MGAT4C: variants seen among roughly 807,000 people sequenced by gnomAD.
MGAT4C encodes alpha-1,3-mannosyl-glycoprotein 4-beta-N-acetylglucosaminyltransferase C.
MGAT4C carries 19 observed loss-of-function variants against 40.1 expected under a neutral mutation model. The observed-to-expected ratio is 0.47, with a 90% CI of 0.33 to 0.70. The LOEUF (loss-of-function observed/expected upper bound fraction) is 0.70, where lower values mean the gene tolerates loss of function less well. Among genes scored for constraint, MGAT4C ranks in the 30% least tolerant of loss-of-function variants. The pLI, the probability that MGAT4C is intolerant of heterozygous loss-of-function variation, is 0.02. For synonymous variants in MGAT4C, 181 were observed against 187.1 expected, an observed-to-expected ratio of 0.97 and a Z score of 0.27; for missense variants, 491 against 563.2, an observed-to-expected ratio of 0.87 and a Z score of 1.30.
intron 3 of MGAT4C, among the ~76,000 whole-genome samples, chr12:86,352,240 C>A (rs778061629): frequency 2.2e-4 from 33 of 152,048 alleles, no homozygotes; most frequent in Non-Finnish European, 4.1e-4. Flanking sequence ...GCTTTAAAGT[C>A]TAAAACAGTG....
At chr12:86,215,269 A>T (rs1416355301) in intron 1 of MGAT4C, among the ~76,000 whole-genome samples, 9 of 139,184 alleles carry the variant, frequency 6.5e-5, no homozygotes, top group Non-Finnish European at 1.3e-4. Flanking sequence ...TCTAGGGTTT[A>T]AAAAAAATTA....
At chr12:86,263,168 A>G (rs1952696244) in intron 4 of MGAT4C, among the ~76,000 whole-genome samples, 1 of 152,146 alleles carries the variant, frequency 6.6e-6, no homozygotes, top group African/African-American at 2.4e-5. Context: ...GAAGAGCCAA[A>G]CAAATATTCT....
chr12:86,774,687 T>A (rs537992266), intron 1 of MGAT4C, among the ~76,000 whole-genome samples: 1 of 151,992 alleles, frequency 6.6e-6, no homozygotes, highest in East Asian at 1.9e-4. Context: ...CCTGTTAATA[T>A]GATTCTTTAT....
chr12:86,526,951 T>C lies in MGAT4C; in HGVS notation c.-228-91686A>G, dbSNP rs113509415. Among the ~76,000 whole-genome samples, 494 of 152,264 alleles carry C rather than the reference T, an allele frequency of 3.2e-3. 2 individuals carry two copies. Among genetic ancestry groups the C allele is most frequent in the African/African-American group, 0.012 (481 of 41,564 alleles). Reference sequence around the variant, plus strand: ...CAATTCACCCATTGTCCTGGAGTTGTTGGGGGCCAGGAACGAGTCCCAGTG... The same window carrying C: ...CAATTCACCCATTGTCCTGGAGTTGCTGGGGGCCAGGAACGAGTCCCAGTG... On this transcript the variant is annotated intron_variant, in intron 2 of 7. Transcript: ENST00000548651.
chr12:86,533,192 TAGTC>T (rs1179931851), intron 2 of MGAT4C, among the ~76,000 whole-genome samples: 2 of 152,158 alleles, frequency 1.3e-5, no homozygotes, highest in Non-Finnish European at 2.9e-5. Context: ...AACTGCAAAG[TAGTC>T]AGCCACAAAC....
At position 86,604,631 on chromosome 12, in the gene MGAT4C, G is replaced by A. The variant is rs141988977; in HGVS notation, c.-229+122578C>T. 1.2e-4 allele frequency among the ~76,000 whole-genome samples: 18 copies of A among 152,188 alleles called. No individual in the cohort carries two copies. In the East Asian group the frequency reaches 2.5e-3, roughly 21 times the overall value. ...TCTTTCACAAAAGAAAAAACTGGAA[G>A]TCACTTTCAGATATTTTAGTCCGTA... is the stretch of plus-strand genomic sequence containing the variant. On this transcript the variant is annotated intron_variant, in intron 2 of 7. Coordinates refer to the MGAT4C transcript ENST00000548651.
intron 2 of MGAT4C, among the ~76,000 whole-genome samples, chr12:86,530,761 A>T (rs1451850984): frequency 6.6e-6 from 1 of 152,052 alleles, no homozygotes; most frequent in East Asian, 1.9e-4. Flanking sequence ...CATCCTAGGA[A>T]TCCAATGAAA....
intron 1 of MGAT4C, among the ~76,000 whole-genome samples, chr12:86,063,517 C>T (rs1894203674): frequency 6.6e-6 from 1 of 152,110 alleles, no homozygotes; most frequent in Non-Finnish European, 1.5e-5. Context: ...CAAATTCACA[C>T]ATAACAATAT....
intron 1 of MGAT4C, among the ~76,000 whole-genome samples, chr12:86,079,260 A>G (rs1335760420): frequency 6.6e-6 from 1 of 152,140 alleles, no homozygotes; most frequent in Non-Finnish European, 1.5e-5. Flanking sequence ...GAATAGAGGG[A>G]TTTACTCAAT....
At chr12:86,251,868 T>C (rs1346847267) in intron 1 of MGAT4C, among the ~76,000 whole-genome samples, 1 of 152,060 alleles carries the variant, frequency 6.6e-6, no homozygotes, top group Non-Finnish European at 1.5e-5. Context: ...TATCAAACAC[T>C]GAACAACAAA....
At chr12:86,105,892 T>A (rs990378192) in intron 1 of MGAT4C, among the ~76,000 whole-genome samples, 3 of 152,190 alleles carry the variant, frequency 2.0e-5, no homozygotes, top group African/African-American at 7.2e-5. Context: ...TACAAATATC[T>A]TCTATCACTT....
intron 4 of MGAT4C, among the ~76,000 whole-genome samples, chr12:86,333,080 A>G (rs769461290): frequency 2.0e-5 from 3 of 152,160 alleles, no homozygotes; most frequent in Non-Finnish European, 4.4e-5. Context: ...TCGCACACAG[A>G]GTAGTATGTA....
chr12:86,763,055 G>A (rs1458730540), intron 1 of MGAT4C, among the ~76,000 whole-genome samples: 1 of 152,148 alleles, frequency 6.6e-6, no homozygotes, highest in Non-Finnish European at 1.5e-5. Flanking sequence ...AACACAATAA[G>A]CATATCTTAG....
chr12:86,280,616 T>C (rs531546386), intron 4 of MGAT4C, among the ~76,000 whole-genome samples: 256 of 152,062 alleles, frequency 1.7e-3, no homozygotes, highest in African/African-American at 5.9e-3. Flanking sequence ...TATAGATTTG[T>C]TTATTTATGT....
At chr12:86,687,499 C>T (rs1950094153) in intron 2 of MGAT4C, among the ~76,000 whole-genome samples, 1 of 152,210 alleles carries the variant, frequency 6.6e-6, no homozygotes, top group Non-Finnish European at 1.5e-5. Flanking sequence ...CCTCTTAACA[C>T]TGCTTTAGCT....
At chr12:86,087,104 G>A (rs1268798143) in intron 1 of MGAT4C, among the ~76,000 whole-genome samples, 4 of 151,898 alleles carry the variant, frequency 2.6e-5, no homozygotes, top group Non-Finnish European at 5.9e-5. Flanking sequence ...CCATATCTTG[G>A]CTATTGTGGC....
At chr12:86,382,713 C>G (rs149535117) in intron 3 of MGAT4C, among the ~76,000 whole-genome samples, 1,696 of 152,300 alleles carry the variant, frequency 0.011, 18 homozygotes, top group East Asian at 0.044. Context: ...GCCCTGCATC[C>G]TAGCTGCTCC....
At chr12:86,425,502 C>A (rs1455938783) in intron 3 of MGAT4C, among the ~76,000 whole-genome samples, 3 of 152,194 alleles carry the variant, frequency 2.0e-5, no homozygotes, top group African/African-American at 7.2e-5. Flanking sequence ...TGCAGCCATG[C>A]AGAACTGTGA....
At chr12:86,512,443 T>C (rs1257706599) in intron 2 of MGAT4C, among the ~76,000 whole-genome samples, 1 of 152,158 alleles carries the variant, frequency 6.6e-6, no homozygotes, top group East Asian at 1.9e-4. Flanking sequence ...GGATCTTGAT[T>C]AGATATTTGC....
Sources: gnomAD v4.1 joint callset for allele counts (sites outside exome capture counted in the v4.1 genomes callset) on GRCh38, gnomAD v4.1.1 for gene constraint, MANE v1.5 for transcripts, NCBI Gene and HGNC (gene_info 2026-07-23, HGNC 2026-07-21) for gene names.